The following ARB2A variants were observed in gnomAD, a reference collection of about 807,000 sequenced individuals.
The protein encoded by ARB2A is cotranscriptional regulator ARB2A.
chr5:94,006,079 C>T, the ARB2A span, among the ~76,000 whole-genome samples: 2 of 152,186 alleles, frequency 1.3e-5, no homozygotes, highest in South Asian at 4.1e-4. Context: ...ATAACCTGTA[C>T]ATAAACATTT....
the ARB2A span, among the ~76,000 whole-genome samples, chr5:94,003,829 G>A: frequency 1.3e-5 from 2 of 152,130 alleles, no homozygotes; most frequent in East Asian, 3.9e-4. Flanking sequence ...AAGATTTTTG[G>A]TAGATATAGA....
chr5:93,623,945 C>T, the ARB2A span, among the ~76,000 whole-genome samples: 2 of 152,112 alleles, frequency 1.3e-5, no homozygotes, highest in Non-Finnish European at 1.5e-5. Flanking sequence ...TGCATATATA[C>T]ATTTCAAGAA....
the ARB2A span, among the ~76,000 whole-genome samples, chr5:93,878,305 A>G: frequency 1.3e-5 from 2 of 152,136 alleles, no homozygotes; most frequent in Non-Finnish European, 2.9e-5. Context: ...CTCTACAAAT[A>G]TTTATTATGA....
the ARB2A span, among the ~76,000 whole-genome samples, chr5:94,072,950 T>C: frequency 1.3e-5 from 2 of 152,138 alleles, no homozygotes; most frequent in Non-Finnish European, 2.9e-5. Context: ...TCTTGAGTTG[T>C]ACCTGACATT....
chr5:93,966,417 C>G, the ARB2A span, among the ~76,000 whole-genome samples: 1 of 152,036 alleles, frequency 6.6e-6, no homozygotes, highest in African/African-American at 2.4e-5. Flanking sequence ...ATCAGTTAAT[C>G]CTCAAGGTTT....
At chr5:93,788,013 C>T in the ARB2A span, among the ~76,000 whole-genome samples, 73 of 152,258 alleles carry the variant, frequency 4.8e-4, no homozygotes, top group Non-Finnish European at 9.3e-4. Flanking sequence ...ACCCATTTAT[C>T]CACTCATAGT....
At chr5:94,044,205 G>A in the ARB2A span, among the ~76,000 whole-genome samples, 3 of 152,282 alleles carry the variant, frequency 2.0e-5, no homozygotes, top group African/African-American at 7.2e-5. Context: ...TCTAACAGTT[G>A]CCCAATTCAT....
At chr5:93,909,605 A>G in the ARB2A span, among the ~76,000 whole-genome samples, 2 of 151,020 alleles carry the variant, frequency 1.3e-5, no homozygotes, top group African/African-American at 2.4e-5. Flanking sequence ...ACATTTAAAA[A>G]TAGAATTGGT....
the ARB2A span, among the ~76,000 whole-genome samples, chr5:93,853,058 T>C: frequency 1.3e-5 from 2 of 152,226 alleles, no homozygotes; most frequent in African/African-American, 4.8e-5. Context: ...AGTATGGCCA[T>C]TTTCATGATA....
the ARB2A span, among the ~76,000 whole-genome samples, chr5:93,762,181 A>G: frequency 1.3e-5 from 2 of 152,232 alleles, no homozygotes; most frequent in Non-Finnish European, 2.9e-5. Context: ...CTCACCAGCA[A>G]TGGAACAAAG....
the ARB2A span, among the ~76,000 whole-genome samples, chr5:93,883,568 C>T: frequency 2.6e-5 from 4 of 151,566 alleles, no homozygotes; most frequent in Non-Finnish European, 5.9e-5. Context: ...TGATTTTCTA[C>T]AGTTGGACAC....
the ARB2A span, chr5:93,620,988 T>TA: frequency 6.2e-7 from 1 of 1,608,638 alleles, no homozygotes; most frequent in African/African-American, 1.3e-5. Flanking sequence ...TCGCTCCTCT[T>TA]ACAGCTCTTC....
the ARB2A span, among the ~76,000 whole-genome samples, chr5:93,730,068 T>C: frequency 6.6e-6 from 1 of 152,150 alleles, no homozygotes; most frequent in Admixed American, 6.5e-5. Flanking sequence ...TACTGACTAA[T>C]GCAAGAAACT....
the ARB2A span, chr5:93,866,323 T>G: frequency 1.0e-6 from 1 of 973,234 alleles, no homozygotes; most frequent in Non-Finnish European, 1.2e-6. Flanking sequence ...ATTCTTCCCC[T>G]TAGTTCTTAA....
the ARB2A span, among the ~76,000 whole-genome samples, chr5:93,653,304 C>T: frequency 3.0e-4 from 46 of 151,076 alleles, no homozygotes; most frequent in Middle Eastern, 3.4e-3. Flanking sequence ...GTCAGGAGGT[C>T]GAGACCATCC....
the ARB2A span, among the ~76,000 whole-genome samples, chr5:93,856,073 T>G: frequency 6.6e-6 from 1 of 151,986 alleles, no homozygotes; most frequent in Non-Finnish European, 1.5e-5. Flanking sequence ...TTGAAAAAAA[T>G]TTAGCTGAAT....
chr5:93,867,590 G>GT, the ARB2A span, among the ~76,000 whole-genome samples: 2 of 152,044 alleles, frequency 1.3e-5, no homozygotes, highest in East Asian at 3.9e-4. Context: ...GCTAATTTTT[G>GT]TATTTTGAGT....
the ARB2A span, among the ~76,000 whole-genome samples, chr5:93,700,160 A>T: frequency 6.6e-6 from 1 of 152,168 alleles, no homozygotes; most frequent in Admixed American, 6.6e-5. Flanking sequence ...TTCTAATAAT[A>T]TTCTTAGCAG....
the ARB2A span, among the ~76,000 whole-genome samples, chr5:93,696,354 G>C: frequency 6.6e-6 from 1 of 152,136 alleles, no homozygotes; most frequent in Non-Finnish European, 1.5e-5. Context: ...CCTAGTTCAT[G>C]CTGACAACCC....
Sources: gnomAD v4.1 joint callset for allele counts (sites outside exome capture counted in the v4.1 genomes callset) on GRCh38, gnomAD v4.1.1 for gene constraint, MANE v1.5 for transcripts, NCBI Gene and HGNC (gene_info 2026-07-23, HGNC 2026-07-21) for gene names.